USF2: variants seen among roughly 807,000 people sequenced by gnomAD.
USF2 encodes the protein upstream transcription factor 2, c-fos interacting.
USF2 carries 16 observed loss-of-function variants against 46.9 expected under a neutral mutation model. The observed-to-expected ratio is 0.34, with a 90% CI of 0.23 to 0.52. The LOEUF is 0.52. Among genes scored for constraint, USF2 ranks in the 20% least tolerant of loss-of-function variants. USF2 has a pLI of 0.96. For missense variants in USF2, 411 were observed against 474.0 expected (o/e 0.87, Z 1.23); for synonymous variants, 239 against 194.1 (o/e 1.23, Z -1.92).
At chr19:35,273,619 A>G (rs1019996941) in intron 7 of USF2, among the ~76,000 whole-genome samples, 2 of 152,134 alleles carry the variant, frequency 1.3e-5, no homozygotes, top group African/African-American at 4.8e-5. Context: ...GTACAGTGGC[A>G]CAATCACAGC....
Position 35,269,701 on chromosome 19 carries a change from T to C in USF2, c.228+2T>C. The C allele has an allele frequency of 1.5e-6, 1 of 678,620 alleles. No individual in the cohort carries two copies. The highest frequency in any genetic ancestry group is 1.9e-6 in the Non-Finnish European group (1 of 513,504). 42.0% of individuals were successfully genotyped at this position (678,620 alleles called of 1,614,324 possible). A position where few individuals can be genotyped will look rare whatever the true frequency, so the allele number is the denominator to read the frequency against. Reference sequence around the variant, plus strand: ...CGCACAGAGACAAATGGAGGACAGGTGAGCGGCGGGCCGCGAGGGCGAACG... The same window carrying C: ...CGCACAGAGACAAATGGAGGACAGGCGAGCGGCGGGCCGCGAGGGCGAACG... On this transcript the variant is annotated splice_donor_variant, in intron 3 of 9. Coordinates refer to ENST00000222305, the MANE Select transcript of USF2 (RefSeq NM_003367.4). LOFTEE classifies it high-confidence loss of function.
At chr19:35,273,661 G>A (rs2066190353) in intron 7 of USF2, among the ~76,000 whole-genome samples, 1 of 152,158 alleles carries the variant, frequency 6.6e-6, no homozygotes. Context: ...AGGCTCAAGC[G>A]ATCCTCACAC....
At chr19:35,274,533 C>T (rs191039985) in intron 7 of USF2, among the ~76,000 whole-genome samples, 415 of 152,258 alleles carry the variant, frequency 2.7e-3, no homozygotes, top group African/African-American at 9.0e-3. Context: ...GGCTCCCGCC[C>T]GGAATCCCAG....
chr19:35,270,279 C>T, intron 4 of USF2, 168 bp from the exon 5 acceptor site: 3 of 1,093,876 alleles, frequency 2.7e-6, no homozygotes, highest in South Asian at 1.7e-5. Context: ...CGCTGACCTC[C>T]CGCCATGTTC....
intron 3 of USF2, 27 bp from the exon 4 acceptor site, chr19:35,269,776 G>T (rs926046900): frequency 1.3e-6 from 2 of 1,489,056 alleles, no homozygotes; most frequent in Non-Finnish European, 1.8e-6. Context: ...CCCAGCGCCG[G>T]CCTCGCCGCT....
In USF2 at chr19:35,270,763, G is replaced by A. The variant is rs1231302409; in HGVS notation, c.626G>A (p.Gly209Glu). The A allele has an allele frequency of 8.7e-6, 14 of 1,614,002 alleles. No homozygotes were observed. Among genetic ancestry groups the A allele is most frequent in the Non-Finnish European group, 1.2e-5 (14 of 1,180,026 alleles). ...ACGCCCCAGGATGTGCTTCAGACAG[G>A]AACACAGAGGACGATCGCCCCCCGG... ...MMTPQDVLQT[G>E]TQRTIAPRTH... Residue 209 changes from glycine (G) to glutamate (E), a missense_variant, in exon 6 of 10, where the codon GGA becomes GAA. Physicochemically the swap from Gly to Glu is moderately conservative, Grantham distance 98 (BLOSUM62 -2). This residue lies in a region of USF2 where 318 missense variants were observed against 322.4 expected (regional missense o/e 0.99). Transcript: ENST00000222305.
At chr19:35,271,021 A>G in intron 6 of USF2, 62 bp from the exon 7 acceptor site, 1 of 1,594,700 alleles carries the variant, frequency 6.3e-7, no homozygotes, top group African/African-American at 1.3e-5. Flanking sequence ...AATACTTAGC[A>G]GATGCTTGGG....
Position 35,271,106 on chromosome 19 carries a change from C to T in USF2, c.692C>T (p.Pro231Leu). 6.2e-7 allele frequency: 1 copy of T among 1,613,870 alleles called. No individual in the cohort carries two copies. The highest frequency in any genetic ancestry group is 8.5e-7 in the Non-Finnish European group (1 of 1,179,978). Residue 231 changes from proline to leucine, a missense_variant, in exon 7 of 10, where the codon CCC becomes CTC. Pro to Leu is a moderately conservative substitution (Grantham distance 98). This residue lies in a region of USF2 where 318 missense variants were observed against 322.4 expected (regional missense o/e 0.99). Transcript: ENST00000222305. ...AGAAAAATTGATGGAACCAGAACAC[C>T]CCGAGATGAGAGGAGAAGAGCCCAG... Reference protein sequence around the residue: ...YSPKIDGTRTPRDERRRAQHN... With the variant: ...YSPKIDGTRTLRDERRRAQHN...
intron 7 of USF2, among the ~76,000 whole-genome samples, chr19:35,276,065 T>TTC (rs1286173753): frequency 1.2e-4 from 16 of 129,520 alleles, no homozygotes; most frequent in Non-Finnish European, 2.4e-4. Flanking sequence ...CTTCTGAATT[T>TTC]TCTCTTTTTT....
chr19:35,270,097 C>T, intron 4 of USF2, 94 bp downstream of exon 4: 1 of 1,290,152 alleles, frequency 7.8e-7, no homozygotes, highest in Non-Finnish European at 9.9e-7. Context: ...GGGCAGGTGT[C>T]GCCCAGCGGA....
Position 35,270,584 on chromosome 19 carries a change from C to T in USF2, c.567C>T (p.Ser189=), listed in dbSNP as rs148620607. 400 of 1,613,762 alleles carry T rather than the reference C, an allele frequency of 2.5e-4. 1 individual carries two copies. The African/African-American group carries it at 4.7e-3, about 19-fold the overall frequency. ...TGTCCGTACAGACCACAGACCAGAG[C>T]TTGCAGGCTGGAGGTGAGGAGTAGA... The part of the protein sequence containing the change: ...TAVSVQTTDQ[S]LQAGGQFYVM... Residue 189 remains serine, a synonymous_variant, in exon 5 of 10, where the codon AGC becomes AGT. Transcript: ENST00000222305.
chr19:35,271,202 C>G, intron 7 of USF2, 61 bp downstream of exon 7: 3 of 1,601,812 alleles, frequency 1.9e-6, no homozygotes, highest in Non-Finnish European at 2.6e-6. Context: ...TCAGCCAGCC[C>G]TGGAGTGTGG....
In USF2 at chr19:35,269,887, G is replaced by A; in HGVS notation, c.313G>A (p.Ala105Thr). 1 of 1,407,528 alleles carries A rather than the reference G, an allele frequency of 7.1e-7. No homozygotes were observed. The highest frequency in any genetic ancestry group is 3.5e-5 in the Admixed American group (1 of 28,436). The allele number at this position is 1,407,528 out of a possible 1,614,324, so 87.2% of individuals were successfully genotyped here. Residue 105 changes from alanine (A) to threonine (T), a missense_variant, in exon 4 of 10, where the codon GCT (alanine) becomes ACT (threonine). Physicochemically the swap from Ala to Thr is moderately conservative, Grantham distance 58 (BLOSUM62 0). Transcript: ENST00000222305. ...TAGAVSVVST[A>T]AFAGGQQAVT... is the part of the protein sequence containing the mutation. Reference sequence around the variant, plus strand: ...TGGCGCCGTCAGCGTCGTGTCCACCGCTGCCTTCGCGGGGGGGCAGCAGGC... The same window carrying A: ...TGGCGCCGTCAGCGTCGTGTCCACCACTGCCTTCGCGGGGGGGCAGCAGGC...
In USF2 at chr19:35,269,685, A is replaced by G. The variant is rs1421554401; in HGVS notation, c.214A>G (p.Thr72Ala). Residue 72 changes from threonine (T) to alanine (A), a missense_variant, in exon 3 of 10, where the codon ACA (threonine) becomes GCA (alanine). Around this residue, in one of 2 missense-constraint regions of USF2, gnomAD observed 318 missense variants for 322.4 expected, o/e 0.99. Transcript: ENST00000222305. ...HNIQYQFRTE[T>A]NGGQVTYRVV... ...CATCCAGTACCAGTTCCGCACAGAG[A>G]CAAATGGAGGACAGGTGAGCGGCGG... 7 of 1,398,564 alleles carry G rather than the reference A, an allele frequency of 5.0e-6. No homozygotes were observed. The South Asian group carries it at 8.4e-5, about 17-fold the overall frequency. 86.6% of individuals were successfully genotyped at this position (1,398,564 alleles called of 1,614,324 possible). A position where few individuals can be genotyped will look rare whatever the true frequency, so the allele number is the denominator to read the frequency against.
At chr19:35,274,450 C>T (rs982936987) in intron 7 of USF2, among the ~76,000 whole-genome samples, 1 of 152,172 alleles carries the variant, frequency 6.6e-6, no homozygotes, top group Non-Finnish European at 1.5e-5. Context: ...GTCACAGACT[C>T]AAATGCCTGC....
chr19:35,271,609 T>G (rs530722583), intron 7 of USF2, among the ~76,000 whole-genome samples: 8 of 152,336 alleles, frequency 5.3e-5, no homozygotes, highest in Admixed American at 5.2e-4. Flanking sequence ...TCTGGCTACC[T>G]AAGGCCGGAG....
intron 7 of USF2, among the ~76,000 whole-genome samples, chr19:35,272,597 G>A (rs1310381930): frequency 6.6e-6 from 1 of 152,194 alleles, no homozygotes; most frequent in East Asian, 1.9e-4. Flanking sequence ...GAAGTCCCCA[G>A]TGTGGCTGTC....
chr19:35,270,908 A>G, intron 6 of USF2, 103 bp downstream of exon 6: 2 of 1,490,648 alleles, frequency 1.3e-6, no homozygotes, highest in Admixed American at 1.7e-5. Flanking sequence ...ACATGGTGTA[A>G]TGTTTTTTTT....
In USF2 at chr19:35,270,551, T is replaced by G; in HGVS notation, c.534T>G (p.Thr178=). The G allele has an allele frequency of 6.2e-7, 1 of 1,614,162 alleles. No individual in the cohort carries two copies. The highest frequency in any genetic ancestry group is 8.5e-7 in the Non-Finnish European group (1 of 1,180,004). Reference sequence around the variant, plus strand: ...TCCCAGCGTCCAGTGTGGGAGATACTACGGCTGTGTCCGTACAGACCACAG... The same window carrying G: ...TCCCAGCGTCCAGTGTGGGAGATACGACGGCTGTGTCCGTACAGACCACAG... ...AYFPASSVGD[T]TAVSVQTTDQ... is the part of the protein sequence containing the mutation. Residue 178 remains threonine, a synonymous_variant, in exon 5 of 10, where the codon ACT becomes ACG. Coordinates refer to ENST00000222305, the MANE Select transcript of USF2 (RefSeq NM_003367.4).
Sources: gnomAD v4.1 joint callset for allele counts (sites outside exome capture counted in the v4.1 genomes callset) on GRCh38, gnomAD v4.1.1 for gene constraint, gnomAD v4.1.1 regional missense constraint, MANE v1.5 for transcripts, NCBI Gene and HGNC (gene_info 2026-07-23, HGNC 2026-07-21) for gene names.